The following TRMT10A variants were observed in gnomAD, a reference collection of about 807,000 sequenced individuals.
TRMT10A encodes the protein tRNA methyltransferase 10 homolog A.
In TRMT10A, 37 loss-of-function variants were observed where a neutral mutation model predicts 40.4. The ratio of observed to expected loss-of-function variants is 0.92; its 90% CI spans 0.71 to 1.21. The LOEUF is 1.21. Among genes scored for constraint, TRMT10A ranks in the 50% most tolerant of loss-of-function variants. The probability of loss-of-function intolerance (pLI) is 0.00; values close to 1 mark genes in which losing one functional copy is unlikely to be tolerated. For synonymous variants in TRMT10A, 103 were observed against 134.1 expected, an observed-to-expected ratio of 0.77 and a Z score of 1.60; for missense variants, 388 against 404.3, an observed-to-expected ratio of 0.96 and a Z score of 0.35.
intron 1 of TRMT10A, among the ~76,000 whole-genome samples, chr4:99,562,219 G>GTGTGTGTGTGTC (rs1724440283): frequency 1.3e-5 from 2 of 149,784 alleles, no homozygotes; most frequent in African/African-American, 4.9e-5. Context: ...GTGTGTGTGT[G>GTGTGTGTGTGTC]TGTGTGTGAA....
rs1344031324 is a variant in TRMT10A at position 99,547,464 on chromosome 4, G to T, written c.*1624C>A. ...ATTAATAAAAATTAAACTCTTATTT[G>T]GAATGATTTTCCCCCTTTCATAATT... On this transcript the variant is annotated 3_prime_UTR_variant, in exon 8 of 8. Transcript: ENST00000394876. 1 of 151,932 alleles carries T rather than the reference G, an allele frequency of 6.6e-6. No homozygotes were observed. Among genetic ancestry groups the T allele is most frequent in the Non-Finnish European group, 1.5e-5 (1 of 67,974 alleles). 9.4% of individuals were successfully genotyped at this position (151,932 alleles called of 1,614,324 possible).
chr4:99,556,227 A>C lies in TRMT10A; in HGVS notation c.421-7T>G. The C allele has an allele frequency of 6.2e-7, 1 of 1,611,522 alleles. No individual in the cohort carries two copies. Among genetic ancestry groups the C allele is most frequent in the Non-Finnish European group, 8.5e-7 (1 of 1,178,380 alleles). On this transcript the variant is annotated splice_region_variant and splice_polypyrimidine_tract_variant and intron_variant, in intron 4 of 7. Coordinates refer to ENST00000394876, the MANE Select transcript of TRMT10A (RefSeq NM_001134665.3). The stretch of plus-strand genomic sequence containing the variant: ...CGTGGCTTGTCAAGTAAAACTGATA[A>C]AAGATTTGTAAGTATAGAAAAAGAG...
intron 3 of TRMT10A, 180 bp downstream of exon 3, chr4:99,557,869 T>A (rs1724227770): frequency 1.7e-6 from 1 of 584,138 alleles, no homozygotes. Flanking sequence ...CACACATATA[T>A]AAATACACAT....
chr4:99,562,093 C>G (rs1365943425), intron 1 of TRMT10A, among the ~76,000 whole-genome samples: 1 of 151,460 alleles, frequency 6.6e-6, no homozygotes, highest in African/African-American at 2.4e-5. Flanking sequence ...ATCGCTTGAA[C>G]CCGGGAGGCA....
At chr4:99,563,877 G>C in intron 1 of TRMT10A, 36 bp downstream of exon 1, 1 of 703,064 alleles carries the variant, frequency 1.4e-6, no homozygotes, top group Non-Finnish European at 2.6e-6. Context: ...GAATACCATA[G>C]TGCGGGGGAG....
Position 99,558,063 on chromosome 4 carries a change from A to G in TRMT10A, c.334T>C (p.Leu112=), listed in dbSNP as rs769779528. The change falls in exon 3 of 8, where the codon TTG becomes CTG. Residue 112 remains leucine, a synonymous_variant. Coordinates refer to ENST00000394876, the MANE Select transcript of TRMT10A (RefSeq NM_001134665.3). ...ATTCATGATACCTTTAATACCATCA[A>G]GTGATCAAAACTACAGTCAATAATA... The part of the protein sequence containing the change: ...RLIIDCSFDH[L]MVLKDIKKLH... 8.3e-5 allele frequency: 133 copies of G among 1,592,872 alleles called. No homozygotes were observed. Among genetic ancestry groups the G allele is most frequent in the Non-Finnish European group, 1.0e-4 (119 of 1,173,846 alleles).
chr4:99,547,790 AGTAT>A lies in TRMT10A; in HGVS notation c.*1294_*1297del, dbSNP rs1342324894. ...ATATATGTTAGTATGTAACATATAT[AGTAT>A]GTTATATACTTTTTAAATATAACTT... On this transcript the variant is annotated 3_prime_UTR_variant, in exon 8 of 8. Coordinates refer to ENST00000394876, the MANE Select transcript of TRMT10A (RefSeq NM_001134665.3). 1.3e-5 allele frequency: 2 copies of A among 152,014 alleles called. No individual in the cohort carries two copies. Among genetic ancestry groups the A allele is most frequent in the African/African-American group, 4.8e-5 (2 of 41,438 alleles). The allele number at this position is 152,014 out of a possible 1,614,324, so 9.4% of individuals were successfully genotyped here.
intron 3 of TRMT10A, chr4:99,557,806 AGT>A: frequency 2.2e-6 from 1 of 456,384 alleles, no homozygotes; most frequent in Non-Finnish European, 3.8e-6. Context: ...TAGACTACAA[AGT>A]GTGTGTTTGT....
chr4:99,552,053 C>T (rs1723985776), intron 6 of TRMT10A, among the ~76,000 whole-genome samples: 1 of 151,580 alleles, frequency 6.6e-6, no homozygotes, highest in African/African-American at 2.4e-5. Flanking sequence ...AATGTTATTA[C>T]AAAAGAGTCC....
At chr4:99,563,715 G>A in intron 1 of TRMT10A, 198 bp downstream of exon 1, 1 of 385,770 alleles carries the variant, frequency 2.6e-6, no homozygotes, top group South Asian at 2.0e-5. Flanking sequence ...CCAGGGAGCA[G>A]CTGGGTAGGC....
intron 1 of TRMT10A, among the ~76,000 whole-genome samples, chr4:99,560,127 A>G (rs1724331112): frequency 6.6e-6 from 1 of 152,114 alleles, no homozygotes; most frequent in Admixed American, 6.5e-5. Flanking sequence ...CTGATTTTTA[A>G]AACTGAAATC....
In TRMT10A at chr4:99,548,192, T is replaced by C. The variant is rs1723809726; in HGVS notation, c.*896A>G. On this transcript the variant is annotated 3_prime_UTR_variant, in exon 8 of 8. Coordinates refer to ENST00000394876, the MANE Select transcript of TRMT10A (RefSeq NM_001134665.3). Reference sequence around the variant, plus strand: ...TGCATATTATCACATGTGTATTTGATTTATAGAAACAAACATTAGTATGCA... The same window carrying C: ...TGCATATTATCACATGTGTATTTGACTTATAGAAACAAACATTAGTATGCA... 1 of 139,624 alleles carries C rather than the reference T, an allele frequency of 7.2e-6. No homozygotes were observed. Among genetic ancestry groups the C allele is most frequent in the Admixed American group, 7.1e-5 (1 of 14,034 alleles). 8.6% of individuals were successfully genotyped at this position (139,624 alleles called of 1,614,324 possible).
intron 6 of TRMT10A, among the ~76,000 whole-genome samples, chr4:99,551,944 A>T (rs1291783727): frequency 6.6e-6 from 1 of 152,032 alleles, no homozygotes; most frequent in African/African-American, 2.4e-5. Context: ...TTTAATTTTA[A>T]AAAGTTAAAA....
At position 99,559,238 on chromosome 4, in the gene TRMT10A, C is replaced by T; in HGVS notation, c.101G>A (p.Gly34Asp). 1 of 1,613,700 alleles carries T rather than the reference C, an allele frequency of 6.2e-7. No individual in the cohort carries two copies. Residue 34 changes from glycine (G) to aspartate (D), a missense_variant, in exon 2 of 8, where the codon GGT becomes GAT. By Grantham distance (94) the Gly-to-Asp change is moderately conservative. Coordinates refer to ENST00000394876, the MANE Select transcript of TRMT10A (RefSeq NM_001134665.3). The stretch of plus-strand genomic sequence containing the variant: ...TTTAGATATTGGTTCACACCCTTCA[C>T]CTAATCTTGGCTTCTGGCTCTCCTC... ...DQEESQKPRL[G>D]EGCEPISKRQ...
intron 4 of TRMT10A, among the ~76,000 whole-genome samples, chr4:99,556,624 A>C (rs1724170908): frequency 6.6e-6 from 1 of 152,268 alleles, no homozygotes; most frequent in Non-Finnish European, 1.5e-5. Flanking sequence ...AAGGGTGAGA[A>C]GGGGTCTACT....
In TRMT10A at chr4:99,563,985, C is replaced by T; in HGVS notation, c.-96G>A. 1.4e-6 allele frequency: 2 copies of T among 1,381,926 alleles called. No homozygotes were observed. Among genetic ancestry groups the T allele is most frequent in the Non-Finnish European group, 9.9e-7 (1 of 1,008,192 alleles). 85.6% of individuals were successfully genotyped at this position (1,381,926 alleles called of 1,614,324 possible). ...TCTGGGTTGGCCTGGTTACGGCTCA[C>T]GCTTCCTTCCACAGAAACTTCAATT... On this transcript the variant is annotated 5_prime_UTR_variant, in exon 1 of 8. The change creates a new upstream start codon in the 5' untranslated region. Coordinates refer to ENST00000394876, the MANE Select transcript of TRMT10A (RefSeq NM_001134665.3).
At chr4:99,556,726 A>C (rs1188945928) in intron 4 of TRMT10A, among the ~76,000 whole-genome samples, 1 of 152,184 alleles carries the variant, frequency 6.6e-6, no homozygotes, top group Non-Finnish European at 1.5e-5. Context: ...CAAAATTACT[A>C]TCACTTGGTA....
At chr4:99,552,358 G>A (rs1264453494) in intron 6 of TRMT10A, among the ~76,000 whole-genome samples, 3 of 152,046 alleles carry the variant, frequency 2.0e-5, no homozygotes, top group African/African-American at 4.8e-5. Context: ...GTTTAAATAT[G>A]TTTAGAAACA....
At chr4:99,557,710 ATTACT>A in intron 3 of TRMT10A, 1 of 392,034 alleles carries the variant, frequency 2.6e-6, no homozygotes, top group South Asian at 3.9e-5. Flanking sequence ...GAGCCATACT[ATTACT>A]ATTTTCATGT....
Sources: gnomAD v4.1 joint callset for allele counts (sites outside exome capture counted in the v4.1 genomes callset) on GRCh38, gnomAD v4.1.1 for gene constraint, MANE v1.5 for transcripts, NCBI Gene and HGNC (gene_info 2026-07-23, HGNC 2026-07-21) for gene names.